Variants in PRELP observed in about 807,000 individuals in gnomAD.
PRELP encodes prolargin.
PRELP carries 16 observed loss-of-function variants against 22.8 expected under a neutral mutation model. The observed-to-expected ratio is 0.70, with a 90% CI of 0.47 to 1.06. The LOEUF (loss-of-function observed/expected upper bound fraction) is 1.06. Among genes scored for constraint, PRELP ranks in the 50% least tolerant of loss-of-function variants. The pLI is 0.00. For synonymous variants in PRELP, 233 were observed against 211.4 expected (o/e 1.10, Z -0.89); for missense variants, 434 against 485.2 (o/e 0.89, Z 0.99).
intron 1 of PRELP, among the ~76,000 whole-genome samples, chr1:203,482,950 C>T (rs1343323012): frequency 6.6e-6 from 1 of 152,114 alleles, no homozygotes; most frequent in African/African-American, 2.4e-5. Context: ...AGGCTCAACA[C>T]ATCGAGTGGC....
chr1:203,484,197 G>T, intron 2 of PRELP, 40 bp downstream of exon 2: 2 of 1,587,560 alleles, frequency 1.3e-6, no homozygotes, highest in Non-Finnish European at 1.7e-6. Context: ...AGGCAAGGAG[G>T]TTGGCTTGTG....
Position 203,483,853 on chromosome 1 carries a change from C to T in PRELP, c.669C>T (p.Leu223=). The T allele has an allele frequency of 6.2e-7, 1 of 1,614,184 alleles. No homozygotes were observed. ...ACACCTTCCATGGCCTCAAGAACCT[C>T]ATGCAGCTCAACCTGGCCCACAACA... ...KPDTFHGLKN[L]MQLNLAHNIL... is the part of the protein sequence containing the mutation. Residue 223 remains leucine (L), a synonymous_variant, in exon 2 of 3, where the codon CTC becomes CTT. Coordinates refer to ENST00000343110, the MANE Select transcript of PRELP (RefSeq NM_002725.4). This position sits in a 1 kb window ranked among gnomAD's most constrained non-coding sequence, Gnocchi z 4.4.
At chr1:203,480,236 T>C (rs1660977201) in intron 1 of PRELP, among the ~76,000 whole-genome samples, 1 of 152,226 alleles carries the variant, frequency 6.6e-6, no homozygotes, top group Non-Finnish European at 1.5e-5. Context: ...CTGCATGCAG[T>C]TGGCTGTTGT....
chr1:203,479,170 T>TGCG (rs1328150704), intron 1 of PRELP, among the ~76,000 whole-genome samples: 3 of 151,858 alleles, frequency 2.0e-5, no homozygotes, highest in Non-Finnish European at 2.9e-5. Flanking sequence ...CAGTTCAGAG[T>TGCG]GCGGCGTAAC....
At chr1:203,480,215 G>A (rs1558230780) in intron 1 of PRELP, among the ~76,000 whole-genome samples, 1 of 152,258 alleles carries the variant, frequency 6.6e-6, no homozygotes, top group Non-Finnish European at 1.5e-5. Flanking sequence ...AACTGATGGT[G>A]GAGAGCAGAA....
chr1:203,476,252 A>C (rs539305570), intron 1 of PRELP, among the ~76,000 whole-genome samples: 1 of 152,310 alleles, frequency 6.6e-6, no homozygotes, highest in African/African-American at 2.4e-5. Flanking sequence ...TTTCCATAGA[A>C]ACTGGACTCC....
chr1:203,476,330 G>C (rs1360986134), intron 1 of PRELP, among the ~76,000 whole-genome samples: 1 of 152,042 alleles, frequency 6.6e-6, no homozygotes, highest in Non-Finnish European at 1.5e-5. Context: ...TCACACGGAG[G>C]CTGCACGTTC....
At position 203,486,815 on chromosome 1, in the gene PRELP, C is replaced by T; in HGVS notation, c.1083C>T (p.Tyr361=). ...HLRYLRLDGN[Y]LKPPIPLDLM... Reference sequence around the variant, plus strand: ...GCTACCTGCGGCTGGATGGAAACTACTTGAAGCCGCCCATCCCGCTGGACC... The same window carrying T: ...GCTACCTGCGGCTGGATGGAAACTATTTGAAGCCGCCCATCCCGCTGGACC... Residue 361 remains tyrosine (Y), a synonymous_variant, in exon 3 of 3, where the codon TAC becomes TAT. Transcript: ENST00000343110. 6.2e-7 allele frequency: 1 copy of T among 1,614,236 alleles called. No homozygotes were observed. The highest frequency in any genetic ancestry group is 8.5e-7 in the Non-Finnish European group (1 of 1,180,032).
In PRELP at chr1:203,488,990, T is replaced by C. The variant is rs184840168; in HGVS notation, c.*2109T>C. The C allele has an allele frequency of 5.3e-4, 81 of 152,652 alleles. 2 individuals are homozygous for C. Among genetic ancestry groups the C allele is most frequent in the African/African-American group, 1.8e-3 (75 of 41,560 alleles). The allele number at this position is 152,652 out of a possible 1,614,324, so 9.5% of individuals were successfully genotyped here. On this transcript the variant is annotated 3_prime_UTR_variant, in exon 3 of 3. Transcript: ENST00000343110. ...CCCATTATGCTCCTTCTCACCTTTC[T>C]TTTTTGCTAATTATGGAAAATAGGG...
At chr1:203,485,631 G>A (rs1013045808) in intron 2 of PRELP, among the ~76,000 whole-genome samples, 4 of 152,214 alleles carry the variant, frequency 2.6e-5, no homozygotes, top group African/African-American at 9.7e-5. Flanking sequence ...CTAGGCCACA[G>A]CCCCAAGCTC....
chr1:203,478,348 G>A (rs72743620), intron 1 of PRELP, among the ~76,000 whole-genome samples: 1,636 of 152,196 alleles, frequency 0.011, 18 homozygotes, highest in Middle Eastern at 0.048. Flanking sequence ...GGTAGGTGGC[G>A]GGCTGTCAGA....
chr1:203,476,498 G>A (rs540543487), intron 1 of PRELP, among the ~76,000 whole-genome samples: 3 of 152,140 alleles, frequency 2.0e-5, no homozygotes, highest in Non-Finnish European at 4.4e-5. Flanking sequence ...CTTGTCTCTC[G>A]CCCTCTCACA....
At position 203,483,286 on chromosome 1, in the gene PRELP, C is replaced by G; in HGVS notation, c.102C>G (p.Arg34=). The change falls in exon 2 of 3, where the codon CGC becomes CGG. Residue 34 remains arginine, a synonymous_variant. Coordinates refer to ENST00000343110, the MANE Select transcript of PRELP (RefSeq NM_002725.4). This position sits in a 1 kb window ranked among gnomAD's most constrained non-coding sequence, Gnocchi z 4.4. ...RRPRPGTGPG[R]RPRPRPRPTP... The stretch of plus-strand genomic sequence containing the variant: ...CAAGACCCGGGACTGGGCCCGGGCG[C>G]AGACCCAGGCCCAGGCCCAGGCCCA... 6.2e-7 allele frequency: 1 copy of G among 1,613,732 alleles called. No homozygotes were observed. Among genetic ancestry groups the G allele is most frequent in the African/African-American group, 1.3e-5 (1 of 75,006 alleles).
rs771722834 is a variant in PRELP, at chr1:203,486,693, T to C, written c.974-13T>C. The C allele has an allele frequency of 1.2e-6, 2 of 1,605,024 alleles. No homozygotes were observed. Among genetic ancestry groups the C allele is most frequent in the Admixed American group, 1.7e-5 (1 of 59,846 alleles). ...TCCACTCCCTTCTGATTTCTCGTCTTCTTTTTCCGTAGAAATCAACGGAAC... is the reference window on the plus strand; with the variant it reads ...TCCACTCCCTTCTGATTTCTCGTCTCCTTTTTCCGTAGAAATCAACGGAAC... On this transcript the variant is annotated splice_polypyrimidine_tract_variant and intron_variant, in intron 2 of 2. Transcript: ENST00000343110.
intron 1 of PRELP, among the ~76,000 whole-genome samples, chr1:203,480,528 C>T (rs1044583892): frequency 2.0e-5 from 3 of 152,304 alleles, no homozygotes; most frequent in East Asian, 1.9e-4. Flanking sequence ...GGAGCACTGC[C>T]AGAGAGAATG....
Position 203,483,446 on chromosome 1 carries a change from T to A in PRELP, c.262T>A (p.Tyr88Asn). ...YCPPDFPSAL[Y>N]CDSRNLRKVP... Reference sequence around the variant, plus strand: ...CCCCCCTGATTTCCCATCTGCCCTCTACTGTGATAGCCGCAACCTGCGAAA... The same window carrying A: ...CCCCCCTGATTTCCCATCTGCCCTCAACTGTGATAGCCGCAACCTGCGAAA... The change falls in exon 2 of 3, where the codon TAC becomes AAC. Residue 88 changes from tyrosine to asparagine, a missense_variant. By Grantham distance (143) the Tyr-to-Asn change is moderately radical. Transcript: ENST00000343110. The surrounding 1 kb of genome is among the most constrained non-coding windows in gnomAD (Gnocchi z 4.4). 5 of 1,614,130 alleles carry A rather than the reference T, an allele frequency of 3.1e-6. No individual in the cohort carries two copies. Among genetic ancestry groups the A allele is most frequent in the Non-Finnish European group, 3.4e-6 (4 of 1,179,998 alleles).
intron 2 of PRELP, among the ~76,000 whole-genome samples, chr1:203,485,887 C>T (rs1427894197): frequency 6.6e-6 from 1 of 152,164 alleles, no homozygotes; most frequent in African/African-American, 2.4e-5. Context: ...AGGCCATGGA[C>T]CCTTCAGAAT....
In PRELP at chr1:203,488,219, GGA is replaced by G. The variant is rs1409143494; in HGVS notation, c.*1339_*1340del. On this transcript the variant is annotated 3_prime_UTR_variant, in exon 3 of 3. Transcript: ENST00000343110. ...TCCCTCATCTGTAAACCGAGGAGGT[GGA>G]TAAGATGCTCCCGGCCGGGCGCGGT... 1.3e-5 allele frequency: 2 copies of G among 152,452 alleles called. No individual in the cohort carries two copies. Among genetic ancestry groups the G allele is most frequent in the Admixed American group, 6.5e-5 (1 of 15,294 alleles). The allele number at this position is 152,452 out of a possible 1,614,324, so 9.4% of individuals were successfully genotyped here. A position where few individuals can be genotyped will look rare whatever the true frequency, so the allele number is the denominator to read the frequency against.
chr1:203,478,210 C>T (rs1660944435), intron 1 of PRELP, among the ~76,000 whole-genome samples: 1 of 152,234 alleles, frequency 6.6e-6, no homozygotes, highest in Non-Finnish European at 1.5e-5. Context: ...CTAAGCCTAC[C>T]TAGCTAAGCA....
Sources: allele counts gnomAD v4.1 joint callset (sites outside exome capture counted in the v4.1 genomes callset), GRCh38; gene constraint gnomAD v4.1.1; non-coding constraint Gnocchi (gnomAD v3.1); transcripts MANE v1.5; gene names NCBI Gene and HGNC (gene_info 2026-07-23, HGNC 2026-07-21).